MAGI2: variants seen among roughly 807,000 people sequenced by gnomAD.
MAGI2 encodes the protein membrane-associated guanylate kinase, WW and PDZ domain-containing protein 2.
MAGI2 carries 35 observed loss-of-function variants against 133.3 expected under a neutral mutation model. That is an observed-to-expected ratio of 0.26 (90% CI 0.20 to 0.35). The LOEUF (loss-of-function observed/expected upper bound fraction) is 0.35, where lower values mean the gene tolerates loss of function less well. MAGI2 is among the 10% of genes least tolerant of loss of function. The probability of loss-of-function intolerance (pLI) is 1.00; values close to 1 mark genes in which losing one functional copy is unlikely to be tolerated. For synonymous variants in MAGI2, 729 were observed against 710.6 expected, an observed-to-expected ratio of 1.03 and a Z score of -0.41; for missense variants, 1,636 against 1,863.4, an observed-to-expected ratio of 0.88 and a Z score of 2.25.
At chr7:79,261,504 T>C (rs1834089022) in intron 1 of MAGI2, among the ~76,000 whole-genome samples, 1 of 152,198 alleles carries the variant, frequency 6.6e-6, no homozygotes, top group South Asian at 2.1e-4. Context: ...ACAGGCCTCA[T>C]GTGAGGGCTT....
intron 1 of MAGI2, among the ~76,000 whole-genome samples, chr7:79,167,231 T>C (rs1825024185): frequency 6.6e-6 from 1 of 151,852 alleles, no homozygotes. Context: ...TTCGCCTCCT[T>C]TTGTTTTAGT....
intron 5 of MAGI2, among the ~76,000 whole-genome samples, chr7:78,498,630 T>C (rs1007277489): frequency 9.2e-5 from 14 of 152,080 alleles, no homozygotes; most frequent in African/African-American, 3.4e-4. Flanking sequence ...GGTATGGACA[T>C]GAAGGACCAG....
chr7:79,180,069 T>C (rs1370371502), intron 1 of MAGI2, among the ~76,000 whole-genome samples: 1 of 151,860 alleles, frequency 6.6e-6, no homozygotes, highest in East Asian at 1.9e-4. Context: ...ACTCAACAGA[T>C]GAAAGACAAA....
chr7:79,149,543 C>T (rs1447623881), intron 1 of MAGI2, among the ~76,000 whole-genome samples: 1 of 152,126 alleles, frequency 6.6e-6, no homozygotes. Flanking sequence ...CCATGATTTT[C>T]ATTTCCTTCA....
chr7:79,152,402 A>G (rs572620007), intron 1 of MAGI2, among the ~76,000 whole-genome samples: 17 of 152,334 alleles, frequency 1.1e-4, no homozygotes, highest in African/African-American at 4.1e-4. Flanking sequence ...AACTAAATCT[A>G]TGTCTGAATA....
At chr7:79,164,136 T>C (rs1297759445) in intron 1 of MAGI2, among the ~76,000 whole-genome samples, 1 of 152,076 alleles carries the variant, frequency 6.6e-6, no homozygotes, top group Non-Finnish European at 1.5e-5. Context: ...TTCTATGGAA[T>C]GTTTTTGGCC....
chr7:78,559,477 G>C (rs1800193956), intron 3 of MAGI2, among the ~76,000 whole-genome samples: 1 of 152,100 alleles, frequency 6.6e-6, no homozygotes, highest in African/African-American at 2.4e-5. Context: ...CTCATTTAAA[G>C]CAGTTAGTGA....
At chr7:79,168,207 T>C (rs1162683272) in intron 1 of MAGI2, among the ~76,000 whole-genome samples, 7 of 152,074 alleles carry the variant, frequency 4.6e-5, no homozygotes, top group Admixed American at 4.6e-4. Context: ...TACCTCTATA[T>C]TTCTGTGTGT....
intron 1 of MAGI2, among the ~76,000 whole-genome samples, chr7:79,300,815 A>G (rs1200516457): frequency 1.3e-5 from 2 of 152,186 alleles, no homozygotes; most frequent in Non-Finnish European, 2.9e-5. Flanking sequence ...GGCCTAGGGG[A>G]AAGAATGTTT....
At chr7:78,611,763 TTTC>T (rs145898453) in intron 3 of MAGI2, among the ~76,000 whole-genome samples, 1,557 of 152,306 alleles carry the variant, frequency 0.01, 23 homozygotes, top group African/African-American at 0.035. Flanking sequence ...TTGTATTTAG[TTTC>T]TTCAAGTGTA....
intron 6 of MAGI2, among the ~76,000 whole-genome samples, chr7:78,424,082 C>G (rs531295196): frequency 3.3e-4 from 51 of 152,288 alleles, no homozygotes; most frequent in African/African-American, 1.2e-3. Flanking sequence ...TTCATGGCAG[C>G]CCCTCCCATC....
chr7:78,371,984 G>A (rs35196485), intron 6 of MAGI2, among the ~76,000 whole-genome samples: 8,183 of 152,030 alleles, frequency 0.054, 323 homozygotes, highest in South Asian at 0.095. Flanking sequence ...GAACCTTACA[G>A]GAAACCAATA....
intron 1 of MAGI2, among the ~76,000 whole-genome samples, chr7:79,090,566 C>A (rs181914954): frequency 6.6e-6 from 1 of 152,122 alleles, no homozygotes; most frequent in East Asian, 1.9e-4. Flanking sequence ...AATCTGAATT[C>A]GTAGCTCATG....
intron 1 of MAGI2, among the ~76,000 whole-genome samples, chr7:79,036,621 C>CTCTGTGGGAGTTTTCAAA (rs1414602414): frequency 6.6e-6 from 1 of 152,056 alleles, no homozygotes; most frequent in Non-Finnish European, 1.5e-5. Context: ...CCACTACAAA[C>CTCTGTGGGAGTTTTCAAA]TCTGTGGGAG....
intron 1 of MAGI2, among the ~76,000 whole-genome samples, chr7:79,257,649 AG>A (rs1276734271): frequency 1.3e-5 from 2 of 152,190 alleles, no homozygotes; most frequent in African/African-American, 4.8e-5. Flanking sequence ...CATCCAAAAC[AG>A]TGAGCATCTT....
chr7:79,403,268 C>T (rs1185438859), intron 1 of MAGI2, among the ~76,000 whole-genome samples: 1 of 152,092 alleles, frequency 6.6e-6, no homozygotes, highest in Non-Finnish European at 1.5e-5. Flanking sequence ...TGCTTTCTCT[C>T]TATGTCAAGT....
chr7:79,206,580 A>T (rs1829077960), intron 1 of MAGI2, among the ~76,000 whole-genome samples: 2 of 151,928 alleles, frequency 1.3e-5, no homozygotes, highest in African/African-American at 4.8e-5. Flanking sequence ...CTAATAAAAA[A>T]TCGGTTATCA....
chr7:79,356,382 A>G (rs1842020477), intron 1 of MAGI2, among the ~76,000 whole-genome samples: 1 of 152,200 alleles, frequency 6.6e-6, no homozygotes, highest in South Asian at 2.1e-4. Flanking sequence ...GTGGACATGC[A>G]TCTATATTCA....
chr7:79,258,130 G>T (rs1585349239), intron 1 of MAGI2, among the ~76,000 whole-genome samples: 1 of 152,168 alleles, frequency 6.6e-6, no homozygotes, highest in East Asian at 1.9e-4. Flanking sequence ...ATAAGGGGTT[G>T]TATGTCAGGG....
Sources: allele counts gnomAD v4.1 joint callset (sites outside exome capture counted in the v4.1 genomes callset), GRCh38; gene constraint gnomAD v4.1.1; transcripts MANE v1.5; gene names NCBI Gene and HGNC (gene_info 2026-07-23, HGNC 2026-07-21).